The following DDX60L variants were observed in gnomAD, a reference collection of about 807,000 sequenced individuals.
DDX60L encodes the protein probable ATP-dependent RNA helicase DDX60-like.
In DDX60L, 191 loss-of-function variants were observed where a neutral mutation model predicts 211.6. The ratio of observed to expected loss-of-function variants is 0.90; its 90% CI spans 0.80 to 1.02. The LOEUF (loss-of-function observed/expected upper bound fraction) is 1.02. Ranked by LOEUF, DDX60L falls within the 50% of genes least tolerant of loss-of-function variation. The pLI, the probability that DDX60L is intolerant of heterozygous loss-of-function variation, is 0.00. For missense variants in DDX60L, 2,007 were observed against 1,984.1 expected (o/e 1.01, Z -0.22); for synonymous variants, 706 against 694.1 (o/e 1.02, Z -0.27).
chr4:168,379,251 T>C, intron 32 of DDX60L, 112 bp downstream of exon 32: 1 of 980,770 alleles, frequency 1.0e-6, no homozygotes. Context: ...ACTTAGTATT[T>C]ATTTGCTTTA....
rs201507485 is a variant in DDX60L, at chr4:168,421,832, A to G, written c.2322T>C (p.Ala774=). ...GCACTTTCTCCATGCAGTAGTAGGA[A>G]GCATAGGTTTTGCCTGAGGACGTTG... ...VAPTSSGKTY[A]SYYCMEKVLR... Residue 774 remains alanine, a synonymous_variant, in exon 17 of 38, where the codon GCT becomes GCC. Coordinates refer to ENST00000682922, the MANE Select transcript of DDX60L (RefSeq NM_001012967.3). 3,266 of 1,614,214 alleles carry G rather than the reference A, an allele frequency of 2.0e-3. 8 individuals are homozygous for G. The highest frequency in any genetic ancestry group is 2.5e-3 in the Non-Finnish European group (2,969 of 1,180,038).
At chr4:168,447,444 C>T (rs949808381) in intron 9 of DDX60L, among the ~76,000 whole-genome samples, 10 of 151,310 alleles carry the variant, frequency 6.6e-5, no homozygotes, top group African/African-American at 2.4e-4. Flanking sequence ...GGACTGTAAA[C>T]TAGTTCAACC....
chr4:168,440,932 A>T (rs906557554), intron 10 of DDX60L, among the ~76,000 whole-genome samples: 2 of 152,180 alleles, frequency 1.3e-5, no homozygotes, highest in Non-Finnish European at 2.9e-5. Context: ...AGAGGAAAAA[A>T]GATAGAAAGA....
At chr4:168,392,217 C>T (rs1744958995) in intron 28 of DDX60L, among the ~76,000 whole-genome samples, 1 of 152,212 alleles carries the variant, frequency 6.6e-6, no homozygotes, top group Admixed American at 6.5e-5. Context: ...TTTATCCAAA[C>T]AGCTAACTGA....
intron 15 of DDX60L, among the ~76,000 whole-genome samples, chr4:168,422,889 C>T (rs956823508): frequency 2.0e-5 from 3 of 151,976 alleles, no homozygotes; most frequent in Non-Finnish European, 4.4e-5. Flanking sequence ...GATCTTCCTA[C>T]CTCAGCCCCA....
rs1751044104 is a variant in DDX60L at position 168,423,842 on chromosome 4, T to C, written c.1931-68A>G. The C allele has an allele frequency of 2.5e-5, 26 of 1,035,558 alleles. No homozygotes were observed. In the South Asian group the frequency reaches 4.5e-4, roughly 18 times the overall value. 64.1% of individuals were successfully genotyped at this position (1,035,558 alleles called of 1,614,324 possible). A position where few individuals can be genotyped will look rare whatever the true frequency, so the allele number is the denominator to read the frequency against. On this transcript the variant is annotated intron_variant, in intron 14 of 37. Transcript: ENST00000682922. ...ATAACTGGTTGATCACTTACGACAA[T>C]CATTGAGTTAATCAATTAACCTCAT...
intron 10 of DDX60L, among the ~76,000 whole-genome samples, chr4:168,436,415 T>G (rs1450628462): frequency 6.6e-6 from 1 of 152,234 alleles, no homozygotes; most frequent in African/African-American, 2.4e-5. Flanking sequence ...GAACTCACTT[T>G]ATAGCAAATG....
intron 1 of DDX60L, among the ~76,000 whole-genome samples, chr4:168,476,345 A>G (rs963132706): frequency 2.6e-5 from 4 of 152,160 alleles, no homozygotes; most frequent in Non-Finnish European, 5.9e-5. Flanking sequence ...GAAACATCTA[A>G]TAAATTAATG....
chr4:168,420,613 T>TACACACAC (rs200084305), intron 17 of DDX60L, among the ~76,000 whole-genome samples: 2 of 112,200 alleles, frequency 1.8e-5, no homozygotes, highest in Non-Finnish European at 3.7e-5. Context: ...CACACACACA[T>TACACACAC]ACACACACAC....
At chr4:168,382,594 ATTC>A (rs1257152549) in intron 30 of DDX60L, among the ~76,000 whole-genome samples, 2 of 152,102 alleles carry the variant, frequency 1.3e-5, no homozygotes, top group Non-Finnish European at 2.9e-5. Context: ...TTCACTTATA[ATTC>A]TTCTAATAAT....
At chr4:168,415,851 A>G in intron 20 of DDX60L, 52 bp from the exon 21 acceptor site, 1 of 1,349,962 alleles carries the variant, frequency 7.4e-7, no homozygotes, top group Non-Finnish European at 9.7e-7. Flanking sequence ...AGTATTTATC[A>G]AGAACTTGGA....
chr4:168,449,702 TAAGA>T (rs1755519591), intron 8 of DDX60L, among the ~76,000 whole-genome samples: 1 of 111,318 alleles, frequency 9.0e-6, no homozygotes, highest in Non-Finnish European at 1.8e-5. Flanking sequence ...TGTGCTTGAC[TAAGA>T]AAGAGGCTGA....
Position 168,427,076 on chromosome 4 carries a change from C to T in DDX60L, c.1924G>A (p.Gly642Ser). The T allele has an allele frequency of 6.2e-7, 1 of 1,601,474 alleles. No individual in the cohort carries two copies. Residue 642 changes from glycine (G) to serine (S), a missense_variant, in exon 14 of 38, where the codon GGT (glycine) becomes AGT (serine). Coordinates refer to ENST00000682922, the MANE Select transcript of DDX60L (RefSeq NM_001012967.3). ...CFKAWKKHCR[G>S]EGKISKDLSI... ...AGAGTATGGAGTCCCATACCTTCAC[C>T]TCGGCAATGTTTTTTCCATGCTTTA...
chr4:168,378,746 C>T (rs574283469), intron 32 of DDX60L, among the ~76,000 whole-genome samples: 9 of 152,210 alleles, frequency 5.9e-5, no homozygotes, highest in East Asian at 5.8e-4. Context: ...GGTTTCCTGA[C>T]TTGCACTCTC....
chr4:168,375,119 G>A (rs1741713923), intron 34 of DDX60L, among the ~76,000 whole-genome samples: 2 of 152,020 alleles, frequency 1.3e-5, no homozygotes, highest in Non-Finnish European at 2.9e-5. Context: ...AATGGTTCAT[G>A]AATGACTTTT....
intron 14 of DDX60L, among the ~76,000 whole-genome samples, chr4:168,425,265 T>C (rs1453540161): frequency 2.0e-5 from 3 of 152,218 alleles, no homozygotes; most frequent in Admixed American, 6.5e-5. Flanking sequence ...AAAACACATA[T>C]GCTAAAGCTT....
At chr4:168,443,181 A>G (rs1256770337) in intron 9 of DDX60L, among the ~76,000 whole-genome samples, 2 of 152,162 alleles carry the variant, frequency 1.3e-5, no homozygotes, top group Non-Finnish European at 2.9e-5. Flanking sequence ...GAAGTGCTTA[A>G]AGGAGCTGAT....
intron 10 of DDX60L, among the ~76,000 whole-genome samples, chr4:168,438,219 A>C (rs571351089): frequency 6.6e-6 from 1 of 152,282 alleles, no homozygotes; most frequent in East Asian, 1.9e-4. Context: ...TTGCAAATGA[A>C]ATCATCTCCA....
At chr4:168,478,686 T>A (rs1266256190) in intron 1 of DDX60L, among the ~76,000 whole-genome samples, 2 of 152,208 alleles carry the variant, frequency 1.3e-5, no homozygotes, top group African/African-American at 4.8e-5. Context: ...GAAGAATTTT[T>A]AAAAATATAT....
Sources: allele counts gnomAD v4.1 joint callset (sites outside exome capture counted in the v4.1 genomes callset), GRCh38; gene constraint gnomAD v4.1.1; transcripts MANE v1.5; gene names NCBI Gene and HGNC (gene_info 2026-07-23, HGNC 2026-07-21).